BPIFA3: variants seen among roughly 807,000 people sequenced by gnomAD.
The protein encoded by BPIFA3 is BPI fold-containing family A member 3.
A neutral mutation model predicts 29.7 loss-of-function variants in BPIFA3; 32 were observed. The ratio of observed to expected loss-of-function variants is 1.08; its 90% CI spans 0.81 to 1.45. The LOEUF (loss-of-function observed/expected upper bound fraction) is 1.45. Ranked by LOEUF, BPIFA3 falls within the 40% of genes most tolerant of loss-of-function variation. The pLI, the probability that BPIFA3 is intolerant of heterozygous loss-of-function variation, is 0.00. For synonymous variants in BPIFA3, 112 were observed against 113.7 expected (o/e 0.98, Z 0.10); for missense variants, 323 against 311.3 (o/e 1.04, Z -0.28).
At chr20:33,227,505 A>G in intron 6 of BPIFA3, 33 bp from the exon 7 acceptor site, 1 of 1,573,518 alleles carries the variant, frequency 6.4e-7, no homozygotes, top group Non-Finnish European at 8.7e-7. Context: ...AGGTGGGCAC[A>G]CTGGTGACAG....
chr20:33,226,451 G>A lies in BPIFA3; in HGVS notation c.582G>A (p.Glu194=), dbSNP rs1050290797. Residue 194 remains glutamate, a synonymous_variant, in exon 5 of 7, where the codon GAG becomes GAA. Transcript: ENST00000375454. ...KMNQFLYNLK[E]NLQKVLPHMV... Reference sequence around the variant, plus strand: ...ATCAGTTTCTCTACAACCTCAAAGAGAATCTGCAAAAAGTTCTCCCACACA... The same window carrying A: ...ATCAGTTTCTCTACAACCTCAAAGAAAATCTGCAAAAAGTTCTCCCACACA... The A allele has an allele frequency of 1.9e-6, 3 of 1,609,900 alleles. No homozygotes were observed. The highest frequency in any genetic ancestry group is 1.7e-5 in the Admixed American group (1 of 58,830).
chr20:33,226,732 A>G (rs1281379454), intron 5 of BPIFA3, among the ~76,000 whole-genome samples, 198 bp from the exon 6 acceptor site: 2 of 152,152 alleles, frequency 1.3e-5, no homozygotes, highest in Non-Finnish European at 2.9e-5. Context: ...ATCTTATATG[A>G]TGAGGATTTG....
Position 33,223,859 on chromosome 20 carries a change from A to C in BPIFA3, c.176A>C (p.Asn59Thr). 6.2e-7 allele frequency: 1 copy of C among 1,614,198 alleles called. No individual in the cohort carries two copies. The highest frequency in any genetic ancestry group is 1.1e-5 in the South Asian group (1 of 91,088). Residue 59 changes from asparagine (N) to threonine (T), a missense_variant, in exon 2 of 7, where the codon AAC (asparagine) becomes ACC (threonine). Coordinates refer to ENST00000375454, the MANE Select transcript of BPIFA3 (RefSeq NM_178466.5). The stretch of plus-strand genomic sequence containing the variant: ...CACAACGCAGAAAGCCGAATTCAGA[A>C]CATCCACTTTGGGGACAGACTGAAT... ...IKHNAESRIQ[N>T]IHFGDRLNAS...
intron 1 of BPIFA3, among the ~76,000 whole-genome samples, chr20:33,218,687 TA>T (rs1438189934): frequency 6.6e-6 from 1 of 152,170 alleles, no homozygotes; most frequent in Non-Finnish European, 1.5e-5. Flanking sequence ...TTTAGGGCCA[TA>T]CCCTAATGAC....
intron 5 of BPIFA3, 120 bp downstream of exon 5, chr20:33,226,610 A>G (rs538531029): frequency 3.8e-6 from 3 of 784,902 alleles, no homozygotes; most frequent in East Asian, 2.6e-5. Context: ...AAAAATCTCA[A>G]TTTAAAATTT....
At position 33,227,786 on chromosome 20, in the gene BPIFA3, G is replaced by A. The variant is rs1167223663; in HGVS notation, c.*169G>A. The A allele has an allele frequency of 1.7e-6, 1 of 587,494 alleles. No homozygotes were observed. The highest frequency in any genetic ancestry group is 3.0e-6 in the Non-Finnish European group (1 of 331,302). The allele number at this position is 587,494 out of a possible 1,614,324, so 36.4% of individuals were successfully genotyped here. On this transcript the variant is annotated 3_prime_UTR_variant, in exon 7 of 7. Transcript: ENST00000375454. The stretch of plus-strand genomic sequence containing the variant: ...CAGGTCCCTCCCACCTGGGCCCTGG[G>A]GTTTAGGTCTAGAAGTCAGACCTGA...
In BPIFA3 at chr20:33,226,442, C is replaced by T. The variant is rs1985781453; in HGVS notation, c.573C>T (p.Asn191=). 2 of 1,611,536 alleles carry T rather than the reference C, an allele frequency of 1.2e-6. No homozygotes were observed. Among genetic ancestry groups the T allele is most frequent in the African/African-American group, 2.7e-5 (2 of 74,906 alleles). The part of the protein sequence containing the change: ...IPPKMNQFLY[N]LKENLQKVLP... ...CAAAGATGAATCAGTTTCTCTACAA[C>T]CTCAAAGAGAATCTGCAAAAAGTTC... The change falls in exon 5 of 7, where the codon AAC becomes AAT. Residue 191 remains asparagine, a synonymous_variant. Coordinates refer to ENST00000375454, the MANE Select transcript of BPIFA3 (RefSeq NM_178466.5).
intron 1 of BPIFA3, among the ~76,000 whole-genome samples, chr20:33,221,825 A>G (rs919829955): frequency 1.3e-5 from 2 of 152,228 alleles, no homozygotes; most frequent in African/African-American, 4.8e-5. Flanking sequence ...GTTATTGAAT[A>G]TATTGGCGTA....
In BPIFA3 at chr20:33,227,582, C is replaced by A; in HGVS notation, c.730C>A (p.Pro244Thr). ...ACCAACCCACCATGAAACCAGCCAACCCTCTGCATGCCAGGCTGGAGAGTC... is the reference window on the plus strand; with the variant it reads ...ACCAACCCACCATGAAACCAGCCAAACCTCTGCATGCCAGGCTGGAGAGTC... Reference protein sequence around the residue: ...HEPTHHETSQPSACQAGESPS With the variant: ...HEPTHHETSQTSACQAGESPS The change falls in exon 7 of 7, where the codon CCC becomes ACC. Residue 244 changes from proline to threonine, a missense_variant. Physicochemically the swap from Pro to Thr is conservative, Grantham distance 38. Coordinates refer to ENST00000375454, the MANE Select transcript of BPIFA3 (RefSeq NM_178466.5). The A allele has an allele frequency of 6.2e-7, 1 of 1,614,124 alleles. No individual in the cohort carries two copies. The highest frequency in any genetic ancestry group is 8.5e-7 in the Non-Finnish European group (1 of 1,180,006).
intron 1 of BPIFA3, among the ~76,000 whole-genome samples, chr20:33,220,896 C>A (rs1451572917): frequency 6.6e-6 from 1 of 152,098 alleles, no homozygotes; most frequent in Non-Finnish European, 1.5e-5. Context: ...TCCAGAATTC[C>A]CCTACAAGTA....
In BPIFA3 at chr20:33,224,322, C is replaced by T. The variant is rs377131458; in HGVS notation, c.279-33C>T. On this transcript the variant is annotated intron_variant, in intron 2 of 6. Coordinates refer to ENST00000375454, the MANE Select transcript of BPIFA3 (RefSeq NM_178466.5). ...GCCTTACCTGTTCTGAAGTCCCTCACCCTTGTGGGGCCTCTGCTCTTTCCT... is the reference window on the plus strand; with the variant it reads ...GCCTTACCTGTTCTGAAGTCCCTCATCCTTGTGGGGCCTCTGCTCTTTCCT... 2.1e-5 allele frequency: 33 copies of T among 1,576,820 alleles called. No homozygotes were observed. The African/African-American group carries it at 3.6e-4, about 17-fold the overall frequency.
intron 1 of BPIFA3, among the ~76,000 whole-genome samples, chr20:33,222,009 G>GCCTA (rs890618819): frequency 6.6e-6 from 1 of 152,218 alleles, no homozygotes; most frequent in Non-Finnish European, 1.5e-5. Context: ...AGTTCTCAGT[G>GCCTA]TAGGGCCTGA....
chr20:33,222,822 T>A (rs1985593112), intron 1 of BPIFA3, among the ~76,000 whole-genome samples: 1 of 152,238 alleles, frequency 6.6e-6, no homozygotes, highest in African/African-American at 2.4e-5. Context: ...ACCTATAGGT[T>A]CACTCTATCC....
chr20:33,225,971 C>G lies in BPIFA3; in HGVS notation c.537-435C>G, dbSNP rs116989472. ...CACAAAATACAGCTTTAATAAAGCT[C>G]CATAGACTGGCTGACCAAGTCTTTC... On this transcript the variant is annotated intron_variant, in intron 4 of 6. Coordinates refer to ENST00000375454, the MANE Select transcript of BPIFA3 (RefSeq NM_178466.5). The G allele has an allele frequency of 7.6e-3, 1,406 of 185,922 alleles. 4 individuals are homozygous for G. The highest frequency in any genetic ancestry group is 0.013 in the Non-Finnish European group (1,189 of 92,480). The allele number at this position is 185,922 out of a possible 1,614,324, so 11.5% of individuals were successfully genotyped here.
In BPIFA3 at chr20:33,224,442, A is replaced by G; in HGVS notation, c.366A>G (p.Glu122=). Residue 122 remains glutamate, a synonymous_variant, in exon 3 of 7, where the codon GAA becomes GAG. Coordinates refer to ENST00000375454, the MANE Select transcript of BPIFA3 (RefSeq NM_178466.5). The part of the protein sequence containing the change: ...KEWFSANISL[E]FDLELRPSFD... ...GGTTCTCGGCAAATATCTCACTTGA[A>G]TTTGACCTTGAATTGAGACCGTGAG... 6.2e-7 allele frequency: 1 copy of G among 1,613,704 alleles called. No individual in the cohort carries two copies. The highest frequency in any genetic ancestry group is 8.5e-7 in the Non-Finnish European group (1 of 1,179,602).
rs1054074727 is a variant in BPIFA3, at chr20:33,227,564, C to T, written c.712C>T (p.His238Tyr). ...IEQEAAHEPT[H>Y]HETSQPSACQ... ...ACAGGAGGCTGCTCATGAACCAACCCACCATGAAACCAGCCAACCCTCTGC... is the reference window on the plus strand; with the variant it reads ...ACAGGAGGCTGCTCATGAACCAACCTACCATGAAACCAGCCAACCCTCTGC... Residue 238 changes from histidine (H) to tyrosine (Y), a missense_variant, in exon 7 of 7, where the codon CAC becomes TAC. Coordinates refer to ENST00000375454, the MANE Select transcript of BPIFA3 (RefSeq NM_178466.5). 1.9e-5 allele frequency: 31 copies of T among 1,614,016 alleles called. No homozygotes were observed. Among genetic ancestry groups the T allele is most frequent in the Non-Finnish European group, 2.5e-5 (30 of 1,180,008 alleles).
At chr20:33,224,894 G>C (rs900650090) in intron 3 of BPIFA3, among the ~76,000 whole-genome samples, 1 of 152,124 alleles carries the variant, frequency 6.6e-6, no homozygotes, top group Admixed American at 6.5e-5. Context: ...CCTATTTAAG[G>C]GGTTTTCAGA....
chr20:33,227,106 C>T (rs1451578667), intron 6 of BPIFA3, 113 bp downstream of exon 6: 40 of 865,580 alleles, frequency 4.6e-5, no homozygotes, highest in South Asian at 2.9e-4. Flanking sequence ...CTGCATGTGC[C>T]GTGAGAACAC....
At chr20:33,217,694 C>T (rs767960243) in intron 1 of BPIFA3, 31 bp downstream of exon 1, 2 of 1,602,322 alleles carry the variant, frequency 1.2e-6, no homozygotes, top group East Asian at 2.3e-5. Context: ...TGCCTGCTGC[C>T]TACGGGGCTG....
Sources: allele counts gnomAD v4.1 joint callset (sites outside exome capture counted in the v4.1 genomes callset), GRCh38; gene constraint gnomAD v4.1.1; transcripts MANE v1.5; gene names NCBI Gene and HGNC (gene_info 2026-07-23, HGNC 2026-07-21).